CDH18: variants seen among roughly 807,000 people sequenced by gnomAD.
CDH18 encodes the protein cadherin-18.
Under a neutral mutation model 67.9 loss-of-function variants are expected in CDH18, and 31 were observed. That is an observed-to-expected ratio of 0.46 (90% CI 0.34 to 0.62). The LOEUF (loss-of-function observed/expected upper bound fraction) is 0.62, where lower values mean the gene tolerates loss of function less well. Among genes scored for constraint, CDH18 ranks in the 20% least tolerant of loss-of-function variants. CDH18 has a pLI of 0.01. For missense variants in CDH18, 890 were observed against 975.5 expected (o/e 0.91, Z 1.17); for synonymous variants, 362 against 347.2 (o/e 1.04, Z -0.48).
chr5:19,597,722 G>A (rs1746399900), intron 6 of CDH18, among the ~76,000 whole-genome samples: 1 of 152,128 alleles, frequency 6.6e-6, no homozygotes, highest in Non-Finnish European at 1.5e-5. Context: ...TGAAGGCATA[G>A]GTGATGCTTC....
intron 1 of CDH18, among the ~76,000 whole-genome samples, chr5:20,338,460 A>G (rs11956245): frequency 0.011 from 1,735 of 152,218 alleles, 11 homozygotes; most frequent in South Asian, 0.022. Context: ...TTCCAATTAC[A>G]CACACTCCTC....
At chr5:20,156,606 C>G (rs760634684) in intron 2 of CDH18, among the ~76,000 whole-genome samples, 3 of 151,974 alleles carry the variant, frequency 2.0e-5, no homozygotes, top group Non-Finnish European at 4.4e-5. Context: ...CAAATACTAC[C>G]TACGGAATAC....
At chr5:20,417,461 T>TG (rs1747409483) in intron 1 of CDH18, among the ~76,000 whole-genome samples, 4 of 152,198 alleles carry the variant, frequency 2.6e-5, no homozygotes. Context: ...TTTAGCACAA[T>TG]TCTATGATTT....
At chr5:20,399,690 T>A (rs1169205165) in intron 1 of CDH18, among the ~76,000 whole-genome samples, 2 of 152,202 alleles carry the variant, frequency 1.3e-5, no homozygotes, top group Non-Finnish European at 2.9e-5. Context: ...TTGTTTATAA[T>A]GTTAAGATAT....
At chr5:19,501,664 A>G (rs1408176560) in intron 11 of CDH18, among the ~76,000 whole-genome samples, 1 of 152,144 alleles carries the variant, frequency 6.6e-6, no homozygotes, top group Admixed American at 6.6e-5. Context: ...TAATGTTATC[A>G]AATTTAAATT....
At chr5:20,493,356 T>TTAAAAAAAAA (rs1391590923) in intron 1 of CDH18, among the ~76,000 whole-genome samples, 2 of 47,194 alleles carry the variant, frequency 4.2e-5, no homozygotes, top group African/African-American at 1.7e-4. Context: ...TTCAGAAAAT[T>TTAAAAAAAAA]AAAAAAAAAA....
chr5:19,709,749 C>A (rs113435132), intron 5 of CDH18, among the ~76,000 whole-genome samples: 2,568 of 150,682 alleles, frequency 0.017, 43 homozygotes, highest in African/African-American at 0.046. Context: ...AAGGCATATC[C>A]CAAAATGTTG....
chr5:20,434,100 AC>A (rs1478602166), intron 1 of CDH18, among the ~76,000 whole-genome samples: 2 of 151,942 alleles, frequency 1.3e-5, no homozygotes, highest in Non-Finnish European at 2.9e-5. Context: ...AGGCCTGCAA[AC>A]CCCTCTTTAG....
At chr5:20,187,887 C>A (rs945877290) in intron 2 of CDH18, among the ~76,000 whole-genome samples, 1 of 151,168 alleles carries the variant, frequency 6.6e-6, no homozygotes, top group Non-Finnish European at 1.5e-5. Flanking sequence ...TAAAAATAAC[C>A]AATATTCCAA....
At chr5:19,610,099 C>A (rs1184155550) in intron 6 of CDH18, among the ~76,000 whole-genome samples, 1 of 152,006 alleles carries the variant, frequency 6.6e-6, no homozygotes, top group Non-Finnish European at 1.5e-5. Context: ...TTTTAAGAAA[C>A]CCCAAGTGTA....
At position 20,231,850 on chromosome 5, in the gene CDH18, G is replaced by A. The variant is rs553866895; in HGVS notation, c.-518+23594C>T. Among the ~76,000 whole-genome samples, 74 of 151,868 alleles carry A rather than the reference G, an allele frequency of 4.9e-4. 2 individuals carry two copies. The South Asian group carries it at 0.014, about 28-fold the overall frequency. ...AGACAATACAATCTTTTTCAATATC[G>A]TAATTTTAATACATGAATGTCTGTA... On this transcript the variant is annotated intron_variant, in intron 2 of 14. Coordinates refer to the CDH18 transcript ENST00000507958.
At chr5:20,001,725 T>C (rs762748909) in intron 2 of CDH18, among the ~76,000 whole-genome samples, 1 of 152,188 alleles carries the variant, frequency 6.6e-6, no homozygotes, top group South Asian at 2.1e-4. Flanking sequence ...TGCGGGTCTC[T>C]TGCGTTGTAT....
intron 11 of CDH18, among the ~76,000 whole-genome samples, chr5:19,499,116 G>C (rs903120804): frequency 3.9e-5 from 6 of 152,288 alleles, no homozygotes; most frequent in South Asian, 4.1e-4. Flanking sequence ...CCAATTTTGT[G>C]CCTGGAAACA....
chr5:20,466,142 G>T (rs577019275), intron 1 of CDH18, among the ~76,000 whole-genome samples: 3 of 152,138 alleles, frequency 2.0e-5, no homozygotes, highest in African/African-American at 7.2e-5. Flanking sequence ...AGGGGAGGCA[G>T]CTTTCCCATT....
chr5:20,498,778 T>C (rs1754063876), intron 1 of CDH18, among the ~76,000 whole-genome samples: 2 of 152,074 alleles, frequency 1.3e-5, no homozygotes, highest in Non-Finnish European at 2.9e-5. Context: ...ATACGTGTCT[T>C]ATTTAAATAT....
chr5:19,803,225 C>T lies in CDH18; in HGVS notation c.228+35534G>A, dbSNP rs1047323592. 8.5e-5 allele frequency among the ~76,000 whole-genome samples: 13 copies of T among 152,264 alleles called. No homozygotes were observed. The South Asian group carries it at 2.5e-3, about 29-fold the overall frequency. On this transcript the variant is annotated intron_variant, in intron 3 of 12. Coordinates refer to ENST00000382275, the MANE Select transcript of CDH18 (RefSeq NM_004934.5). ...AGTCTGACTTAACTCTCCCAGTCTTCGTAACATTTTTACATATTAGAGTTA... is the reference window on the plus strand; with the variant it reads ...AGTCTGACTTAACTCTCCCAGTCTTTGTAACATTTTTACATATTAGAGTTA...
intron 4 of CDH18, among the ~76,000 whole-genome samples, chr5:19,732,870 C>T (rs1767803735): frequency 6.6e-6 from 1 of 152,082 alleles, no homozygotes; most frequent in East Asian, 1.9e-4. Context: ...CCTTGTAAAA[C>T]TTGTTTCTTC....
At chr5:20,411,927 A>G (rs1446133741) in intron 1 of CDH18, among the ~76,000 whole-genome samples, 6 of 152,212 alleles carry the variant, frequency 3.9e-5, no homozygotes, top group Non-Finnish European at 8.8e-5. Flanking sequence ...ATGGAATGAA[A>G]GGATCAATAT....
chr5:19,835,289 C>T (rs929381455), intron 3 of CDH18, among the ~76,000 whole-genome samples: 21 of 152,066 alleles, frequency 1.4e-4, no homozygotes, highest in Admixed American at 3.3e-4. Flanking sequence ...CCAAATACCA[C>T]GTTCTCACTC....
Sources: allele counts gnomAD v4.1 joint callset (sites outside exome capture counted in the v4.1 genomes callset), GRCh38; gene constraint gnomAD v4.1.1; transcripts MANE v1.5; gene names NCBI Gene and HGNC (gene_info 2026-07-23, HGNC 2026-07-21).